Variants in ALDH1A2 observed in about 807,000 individuals in gnomAD.
ALDH1A2 encodes the protein retinal dehydrogenase 2.
In ALDH1A2, 27 loss-of-function variants were observed where a neutral mutation model predicts 60.3. The observed-to-expected ratio is 0.45, with a 90% CI of 0.33 to 0.62. ALDH1A2 has a LOEUF of 0.62. Among genes scored for constraint, ALDH1A2 ranks in the 20% least tolerant of loss-of-function variants. The pLI, the probability that ALDH1A2 is intolerant of heterozygous loss-of-function variation, is 0.02. For synonymous variants in ALDH1A2, 289 were observed against 232.4 expected, an observed-to-expected ratio of 1.24 and a Z score of -2.21; for missense variants, 581 against 643.8, an observed-to-expected ratio of 0.90 and a Z score of 1.06.
chr15:58,023,862 T>A (rs1424380416), intron 1 of ALDH1A2, among the ~76,000 whole-genome samples: 1 of 151,940 alleles, frequency 6.6e-6, no homozygotes, highest in Non-Finnish European at 1.5e-5. Flanking sequence ...GAGGCCGAGG[T>A]GGGTGGAGCA....
intron 1 of ALDH1A2, among the ~76,000 whole-genome samples, chr15:58,031,246 CA>C (rs1270327595): frequency 1.3e-5 from 2 of 152,080 alleles, no homozygotes; most frequent in Admixed American, 1.3e-4. Flanking sequence ...ACAAACCTGA[CA>C]AAAACAAGAA....
At chr15:58,035,593 C>G (rs1439852933) in intron 1 of ALDH1A2, among the ~76,000 whole-genome samples, 1 of 151,484 alleles carries the variant, frequency 6.6e-6, no homozygotes, top group African/African-American at 2.4e-5. Context: ...TAGCAGCATC[C>G]CACAAATTTT....
At chr15:58,010,919 T>C in intron 3 of ALDH1A2, 141 bp from the exon 4 acceptor site, 3 of 1,156,172 alleles carry the variant, frequency 2.6e-6, no homozygotes, top group Non-Finnish European at 3.7e-6. Context: ...AATTCTCAAA[T>C]AAAAAGATTT....
At chr15:58,015,218 A>T (rs1895757342) in intron 1 of ALDH1A2, among the ~76,000 whole-genome samples, 1 of 152,254 alleles carries the variant, frequency 6.6e-6, no homozygotes, top group Admixed American at 6.5e-5. Flanking sequence ...AATTTAGGAC[A>T]AAAACAATGA....
intron 4 of ALDH1A2, among the ~76,000 whole-genome samples, chr15:58,007,962 G>C (rs1895512605): frequency 6.6e-6 from 1 of 152,076 alleles, no homozygotes; most frequent in South Asian, 2.1e-4. Flanking sequence ...TGACTCCCCT[G>C]ATTTAGTCCA....
chr15:57,999,963 C>A (rs1408314165), intron 4 of ALDH1A2, among the ~76,000 whole-genome samples: 7 of 151,836 alleles, frequency 4.6e-5, no homozygotes. Flanking sequence ...AACACAGGAA[C>A]AGAAAACCGA....
At position 58,052,663 on chromosome 15, in the gene ALDH1A2, C is replaced by T. The variant is rs535576470; in HGVS notation, c.117+12871G>A. On this transcript the variant is annotated intron_variant, in intron 1 of 12. Transcript: ENST00000249750. ...AAATGATCAAGTTATTTTGTTCATT[C>T]GCTAATTCAATAAGTATTTATTCAA... is the stretch of plus-strand genomic sequence containing the variant. Among the ~76,000 whole-genome samples, 158 of 152,122 alleles carry T rather than the reference C, an allele frequency of 1.0e-3. 3 individuals are homozygous for T. In the South Asian group the frequency reaches 0.022, roughly 21 times the overall value.
chr15:58,053,071 C>T (rs777729727), intron 1 of ALDH1A2, among the ~76,000 whole-genome samples: 12 of 152,100 alleles, frequency 7.9e-5, no homozygotes, highest in Non-Finnish European at 1.3e-4. Context: ...TGTGTCAAGG[C>T]AGCCATGATA....
chr15:58,023,199 A>T (rs963209337), intron 1 of ALDH1A2, among the ~76,000 whole-genome samples: 7 of 152,188 alleles, frequency 4.6e-5, no homozygotes, highest in African/African-American at 1.7e-4. Flanking sequence ...AAGGGAAAAA[A>T]ATGCATTTAA....
chr15:57,990,467 T>C lies in ALDH1A2; in HGVS notation c.798+2238A>G, dbSNP rs557658446. 39 of 152,354 alleles carry C rather than the reference T, an allele frequency of 2.6e-4. 1 individual carries two copies. The highest frequency in any genetic ancestry group is 1.9e-3 in the South Asian group (9 of 4,830). 9.4% of individuals were successfully genotyped at this position (152,354 alleles called of 1,614,324 possible). A position where few individuals can be genotyped will look rare whatever the true frequency, so the allele number is the denominator to read the frequency against. On this transcript the variant is annotated intron_variant, in intron 7 of 12. Coordinates refer to ENST00000249750, the MANE Select transcript of ALDH1A2 (RefSeq NM_003888.4). ...AATACAGGATTAAATGATGATATAC[T>C]GATGCAAGAGTATTCTATGCAGCTG...
intron 1 of ALDH1A2, among the ~76,000 whole-genome samples, chr15:58,052,500 C>G (rs1453001195): frequency 6.6e-6 from 1 of 152,044 alleles, no homozygotes; most frequent in Non-Finnish European, 1.5e-5. Context: ...GAGTCTTGCT[C>G]TGTCGCCCAG....
chr15:57,953,605 A>C lies in ALDH1A2; in HGVS notation c.*1592T>G, dbSNP rs768192377. 5 of 152,728 alleles carry C rather than the reference A, an allele frequency of 3.3e-5. No individual in the cohort carries two copies. Among genetic ancestry groups the C allele is most frequent in the African/African-American group, 4.8e-5 (2 of 41,448 alleles). The allele number at this position is 152,728 out of a possible 1,614,324, so 9.5% of individuals were successfully genotyped here. The stretch of plus-strand genomic sequence containing the variant: ...AGCATTCACATGGAAGCACTCAGAA[A>C]TACGGCATCTGTCAGGGCTCACGGC... On this transcript the variant is annotated 3_prime_UTR_variant, in exon 13 of 13. Coordinates refer to ENST00000249750, the MANE Select transcript of ALDH1A2 (RefSeq NM_003888.4).
intron 7 of ALDH1A2, among the ~76,000 whole-genome samples, chr15:57,970,405 C>G (rs1314581902): frequency 6.6e-6 from 1 of 152,200 alleles, no homozygotes; most frequent in Non-Finnish European, 1.5e-5. Flanking sequence ...CAGTTCAACT[C>G]TGACTCCCAT....
intron 3 of ALDH1A2, among the ~76,000 whole-genome samples, chr15:58,012,376 C>G (rs61096848): frequency 0.017 from 2,537 of 152,102 alleles, 70 homozygotes; most frequent in African/African-American, 0.059. Flanking sequence ...AGGTAAAATA[C>G]AAGTTTAATT....
intron 4 of ALDH1A2, among the ~76,000 whole-genome samples, chr15:58,006,458 T>C (rs369088457): frequency 1.3e-4 from 20 of 152,122 alleles, no homozygotes; most frequent in African/African-American, 3.9e-4. Flanking sequence ...CAGTTTCAAA[T>C]TGTACTGCTA....
At chr15:58,061,595 C>CAA (rs879500544) in intron 1 of ALDH1A2, among the ~76,000 whole-genome samples, 1,114 of 43,146 alleles carry the variant, frequency 0.026, 31 homozygotes, top group Non-Finnish European at 0.045. Flanking sequence ...CTCCTTCCCT[C>CAA]AAAAAAAAAA....
At chr15:57,974,893 C>T (rs965642133) in intron 7 of ALDH1A2, among the ~76,000 whole-genome samples, 37 of 152,298 alleles carry the variant, frequency 2.4e-4, no homozygotes, top group African/African-American at 8.2e-4. Context: ...AAACAAACAA[C>T]GCTTGTCTCC....
chr15:57,956,195 AGGAAGGAAGGAAAGTAGAGAG>A (rs1455313093), intron 12 of ALDH1A2, among the ~76,000 whole-genome samples: 1 of 152,196 alleles, frequency 6.6e-6, no homozygotes, highest in Non-Finnish European at 1.5e-5. Flanking sequence ...CTGATGACCA[AGGAAGGAAGGAAAGTAGAGAG>A]GGGAGGAGGG....
chr15:58,047,733 T>C (rs1459104138), intron 1 of ALDH1A2, among the ~76,000 whole-genome samples: 1 of 152,066 alleles, frequency 6.6e-6, no homozygotes, highest in African/African-American at 2.4e-5. Context: ...AAAAAACTTC[T>C]TCCTGAAATG....
Sources: allele counts gnomAD v4.1 joint callset (sites outside exome capture counted in the v4.1 genomes callset), GRCh38; gene constraint gnomAD v4.1.1; transcripts MANE v1.5; gene names NCBI Gene and HGNC (gene_info 2026-07-23, HGNC 2026-07-21).